THBS2: variants seen among roughly 807,000 people sequenced by gnomAD.
The protein encoded by THBS2 is thrombospondin 2, also known as thrombospondin-2.
A neutral mutation model predicts 135.2 loss-of-function variants in THBS2; 47 were observed. That is an observed-to-expected ratio of 0.35 (90% CI 0.28 to 0.44). The LOEUF (loss-of-function observed/expected upper bound fraction) is 0.44, where lower values mean the gene tolerates loss of function less well. Among genes scored for constraint, THBS2 ranks in the 20% least tolerant of loss-of-function variants. The pLI is 1.00. For missense variants in THBS2, 1,288 were observed against 1,603.1 expected (o/e 0.80, Z 3.36); for synonymous variants, 639 against 633.8 (o/e 1.01, Z -0.12).
chr6:169,232,069 C>A lies in THBS2; in HGVS notation c.2062G>T (p.Gly688Trp), dbSNP rs773078012. ...TCCGAGTCCTCCCCGCAGATGAGCC[C>A]GTCGCCCGCGTAGCCTGTCTGGCAC... ...CECQTGYAGDGLICGEDSDLD... is the reference protein window; with the variant it reads ...CECQTGYAGDWLICGEDSDLD... The change falls in exon 13 of 22, where the codon GGG (glycine) becomes TGG (tryptophan). Residue 688 changes from glycine to tryptophan, a missense_variant. Transcript: ENST00000617924. 3 of 1,613,964 alleles carry A rather than the reference C, an allele frequency of 1.9e-6. No homozygotes were observed. The African/African-American group carries it at 4.0e-5, about 22-fold the overall frequency.
rs1779459596 is a variant in THBS2 at position 169,222,411 on chromosome 6, C to T, written c.3059G>A (p.Arg1020Gln). The change falls in exon 19 of 22, where the codon CGG (arginine) becomes CAG (glutamine). Residue 1020 changes from arginine (R) to glutamine (Q), a missense_variant. Physicochemically the swap from Arg to Gln is conservative, Grantham distance 43 (BLOSUM62 1). This residue lies in a region of THBS2 where 874 missense variants were observed against 1,156.1 expected (regional missense o/e 0.76). Transcript: ENST00000617924. ...FSGTFYVNTDRDDDYAGFVFG... is the reference protein window; with the variant it reads ...FSGTFYVNTDQDDDYAGFVFG... The stretch of plus-strand genomic sequence containing the variant: ...GACGAAGCCGGCATAGTCGTCGTCC[C>T]GGTCAGTGTTTACGTAGAATGTGCC... 5.0e-6 allele frequency: 8 copies of T among 1,613,758 alleles called. No homozygotes were observed. The highest frequency in any genetic ancestry group is 6.8e-6 in the Non-Finnish European group (8 of 1,180,036).
chr6:169,223,467 G>T lies in THBS2; in HGVS notation c.2782C>A (p.Arg928=). The T allele has an allele frequency of 6.2e-7, 1 of 1,613,752 alleles. No individual in the cohort carries two copies. The highest frequency in any genetic ancestry group is 8.5e-7 in the Non-Finnish European group (1 of 1,179,872). Residue 928 remains arginine (R), a synonymous_variant, in exon 18 of 22, where the codon CGG becomes AGG. Transcript: ENST00000617924. ...AAATCATCTTTACAAATATCACCCC[G>T]TCCATCACCTATGCACAAAGAACAA... ...PDQEDLDGDG[R]GDICKDDFDN...
At position 169,222,479 on chromosome 6, in the gene THBS2, C is replaced by A. The variant is rs779666626; in HGVS notation, c.3002-11G>T. On this transcript the variant is annotated splice_polypyrimidine_tract_variant and intron_variant, in intron 18 of 21. Coordinates refer to ENST00000617924, the MANE Select transcript of THBS2 (RefSeq NM_003247.5). ...CAAACTCGTCAAAACCTGGATGCAA[C>A]GCCATAAGGTTTCGTTAGAAACACC... 2 of 1,608,170 alleles carry A rather than the reference C, an allele frequency of 1.2e-6. No homozygotes were observed. The highest frequency in any genetic ancestry group is 2.2e-5 in the South Asian group (2 of 90,676).
chr6:169,231,258 T>C (rs1779822314), intron 13 of THBS2, among the ~76,000 whole-genome samples: 1 of 152,080 alleles, frequency 6.6e-6, no homozygotes, highest in African/African-American at 2.4e-5. Context: ...CAGAGGAAGT[T>C]TCCGGAGAGA....
At position 169,217,746 on chromosome 6, in the gene THBS2, C is replaced by T. The variant is rs536934623; in HGVS notation, c.*76G>A. On this transcript the variant is annotated 3_prime_UTR_variant, in exon 22 of 22. Transcript: ENST00000617924. ...GAGGTGCTGCTAGAGAGAGAAGCCA[C>T]AAGGACCACAATGAACTGAGGTGTC... 7.1e-5 allele frequency: 109 copies of T among 1,539,186 alleles called. 2 individuals carry two copies. The South Asian group carries it at 1.3e-3, about 18-fold the overall frequency.
intron 2 of THBS2, among the ~76,000 whole-genome samples, chr6:169,250,131 C>G (rs975387782): frequency 1.3e-5 from 2 of 152,146 alleles, no homozygotes; most frequent in Non-Finnish European, 2.9e-5. Context: ...CACAGGGTTG[C>G]TGACAGAAGT....
At chr6:169,237,020 C>A in intron 9 of THBS2, 150 bp downstream of exon 9, 1 of 865,560 alleles carries the variant, frequency 1.2e-6, no homozygotes, top group Non-Finnish European at 1.7e-6. Flanking sequence ...CCGAGCCAGG[C>A]CCGGGATGGC....
At position 169,232,025 on chromosome 6, in the gene THBS2, G is replaced by C; in HGVS notation, c.2106C>G (p.Asn702Lys). Residue 702 changes from asparagine to lysine, a missense_variant, in exon 13 of 22, where the codon AAC becomes AAG. This residue lies in a region of THBS2 where 874 missense variants were observed against 1,156.1 expected (regional missense o/e 0.76). Transcript: ENST00000617924. ...CGTTGGTGGCGCAGACCAGATTGAG[G>C]TTGGGCCAGCCGTCCAGGTCCGAGT... is the stretch of plus-strand genomic sequence containing the variant. Reference protein sequence around the residue: ...GEDSDLDGWPNLNLVCATNAT... With the variant: ...GEDSDLDGWPKLNLVCATNAT... 4 of 1,614,054 alleles carry C rather than the reference G, an allele frequency of 2.5e-6. No individual in the cohort carries two copies. Among genetic ancestry groups the C allele is most frequent in the Non-Finnish European group, 3.4e-6 (4 of 1,179,962 alleles).
At chr6:169,242,635 C>T (rs372465490) in intron 4 of THBS2, among the ~76,000 whole-genome samples, 7,351 of 22,928 alleles carry the variant, frequency 0.32, 1,082 homozygotes, top group African/African-American at 0.37. Flanking sequence ...CTTCCCACCA[C>T]TCCCACCTTC....
At chr6:169,219,910 G>A in intron 21 of THBS2, 1 of 580,568 alleles carries the variant, frequency 1.7e-6, no homozygotes, top group Non-Finnish European at 3.2e-6. Context: ...CCTGGAAGTG[G>A]AGGAAATCTA....
Position 169,248,944 on chromosome 6 carries a change from C to A in THBS2, c.82G>T (p.Asp28Tyr), listed in dbSNP as rs755763477. 6.2e-7 allele frequency: 1 copy of A among 1,610,654 alleles called. No individual in the cohort carries two copies. The highest frequency in any genetic ancestry group is 8.5e-7 in the Non-Finnish European group (1 of 1,177,808). The change falls in exon 3 of 22, where the codon GAC (aspartate) becomes TAC (tyrosine). Residue 28 changes from aspartate (D) to tyrosine (Y), a missense_variant. Transcript: ENST00000617924. ...TTGATGTTGCTGATACTGAAAAGGT[C>A]GAAGGTCGTGTCTTTGTCCTGGTGA... The part of the protein sequence containing the change: ...AGHQDKDTTF[D>Y]LFSISNINRK...
At chr6:169,221,639 C>A in intron 19 of THBS2, 112 bp from the exon 20 acceptor site, 1 of 834,760 alleles carries the variant, frequency 1.2e-6, no homozygotes, top group South Asian at 1.4e-5. Context: ...ATGCTTAAGG[C>A]TCATGGTGCT....
intron 3 of THBS2, among the ~76,000 whole-genome samples, chr6:169,247,612 GTGTA>G (rs752803103): frequency 2.2e-4 from 33 of 152,204 alleles, no homozygotes; most frequent in Admixed American, 1.1e-3. Flanking sequence ...TTGTGCACGT[GTGTA>G]TGTGTGTGTT....
intron 3 of THBS2, 34 bp from the exon 4 acceptor site, chr6:169,246,315 C>T (rs1331781237): frequency 6.5e-7 from 1 of 1,528,662 alleles, no homozygotes; most frequent in Admixed American, 1.7e-5. Context: ...AATAGAGCAA[C>T]AGATAAACAT....
intron 18 of THBS2, 94 bp downstream of exon 18, chr6:169,223,154 T>G (rs1408324841): frequency 1.3e-5 from 15 of 1,176,752 alleles, no homozygotes. Context: ...CCACATGGCA[T>G]CCCACCTGCA....
chr6:169,224,407 G>T (rs151114638), intron 17 of THBS2, among the ~76,000 whole-genome samples: 1 of 152,270 alleles, frequency 6.6e-6, no homozygotes, highest in East Asian at 1.9e-4. Context: ...CATGCTGCTC[G>T]GGGAGAACAC....
At position 169,226,314 on chromosome 6, in the gene THBS2, G is replaced by C; in HGVS notation, c.2420-16C>G. 1 of 1,598,154 alleles carries C rather than the reference G, an allele frequency of 6.3e-7. No homozygotes were observed. The highest frequency in any genetic ancestry group is 8.6e-7 in the Non-Finnish European group (1 of 1,166,470). On this transcript the variant is annotated splice_polypyrimidine_tract_variant and intron_variant, in intron 15 of 21. Coordinates refer to ENST00000617924, the MANE Select transcript of THBS2 (RefSeq NM_003247.5). ...TTGAAGACATCTGTAAGTGTTTAAA[G>C]GGGGAAGAAAACAAAAACAAACCAG... is the stretch of plus-strand genomic sequence containing the variant.
At chr6:169,219,459 G>T (rs1779339765) in intron 21 of THBS2, among the ~76,000 whole-genome samples, 1 of 152,070 alleles carries the variant, frequency 6.6e-6, no homozygotes, top group Non-Finnish European at 1.5e-5. Context: ...GGGAGGAAAT[G>T]AGATGCCTTG....
At position 169,241,903 on chromosome 6, in the gene THBS2, G is replaced by A; in HGVS notation, c.750C>T (p.Val250=). Residue 250 remains valine, a synonymous_variant, in exon 5 of 22, where the codon GTC becomes GTT. Transcript: ENST00000617924. This position sits in a 1 kb window ranked among gnomAD's most constrained non-coding sequence, Gnocchi z 5.5. The part of the protein sequence containing the change: ...NTETLRLGPH[V]TTEYVGPSSE... ...AGCTGGGGCCCACGTACTCGGTGGT[G>A]ACATGCGGACCCAGGCGCAGCGTCT... is the stretch of plus-strand genomic sequence containing the variant. The A allele has an allele frequency of 1.9e-6, 3 of 1,612,032 alleles. No individual in the cohort carries two copies. Among genetic ancestry groups the A allele is most frequent in the Non-Finnish European group, 2.5e-6 (3 of 1,179,928 alleles).
Sources: allele counts gnomAD v4.1 joint callset (sites outside exome capture counted in the v4.1 genomes callset), GRCh38; gene constraint gnomAD v4.1.1; regional missense constraint gnomAD v4.1.1; non-coding constraint Gnocchi (gnomAD v3.1); transcripts MANE v1.5; gene names NCBI Gene and HGNC (gene_info 2026-07-23, HGNC 2026-07-21).